The following TRAPPC9 variants were observed in gnomAD, a reference collection of about 807,000 sequenced individuals.
The protein encoded by TRAPPC9 is trafficking protein particle complex subunit 9.
Under a neutral mutation model 124.0 loss-of-function variants are expected in TRAPPC9, and 83 were observed. The observed-to-expected ratio is 0.67, with a 90% CI of 0.56 to 0.80. The LOEUF is 0.80. Ranked by LOEUF, TRAPPC9 falls within the 30% of genes least tolerant of loss-of-function variation. The probability of loss-of-function intolerance (pLI) is 0.00; values close to 1 mark genes in which losing one functional copy is unlikely to be tolerated. For synonymous variants in TRAPPC9, 638 were observed against 617.5 expected (o/e 1.03, Z -0.49); for missense variants, 1,302 against 1,508.3 (o/e 0.86, Z 2.27).
chr8:139,804,637 GCACCACCGCCACCACC>G (rs1428294205), intron 21 of TRAPPC9, among the ~76,000 whole-genome samples: 3 of 46,548 alleles, frequency 6.4e-5, no homozygotes. Flanking sequence ...CCGCCACCAA[GCACCACCGCCACCACC>G]CACCACCGCC....
intron 17 of TRAPPC9, among the ~76,000 whole-genome samples, chr8:140,207,153 C>A (rs1003746275): frequency 6.6e-6 from 1 of 152,202 alleles, no homozygotes; most frequent in Admixed American, 6.5e-5. Context: ...ACCATAAGAA[C>A]TCCTGTTGAC....
chr8:139,794,726 TATGCTGGTCCCTGCC>T (rs1199378195), intron 21 of TRAPPC9, among the ~76,000 whole-genome samples: 3 of 152,182 alleles, frequency 2.0e-5, no homozygotes, highest in Non-Finnish European at 2.9e-5. Context: ...TGCCTGAGGC[TATGCTGGTCCCTGCC>T]ATCCTCAGAG....
chr8:140,088,711 T>C (rs1264949729), intron 17 of TRAPPC9, among the ~76,000 whole-genome samples: 1 of 152,236 alleles, frequency 6.6e-6, no homozygotes, highest in Non-Finnish European at 1.5e-5. Context: ...TTTTTCTTCA[T>C]CTTAAAGAGA....
rs34124150 is a variant in TRAPPC9, at chr8:140,152,355, C to CTTTT, written c.2556+69100_2556+69103dup. 2.1e-3 allele frequency among the ~76,000 whole-genome samples: 200 copies of CTTTT among 93,850 alleles called. 5 individuals carry two copies. The highest frequency in any genetic ancestry group is 3.8e-3 in the African/African-American group (84 of 22,190). 61.6% of individuals were successfully genotyped at this position (93,850 alleles called of 152,430 possible). On this transcript the variant is annotated intron_variant, in intron 17 of 22. Coordinates refer to ENST00000438773, the MANE Select transcript of TRAPPC9 (RefSeq NM_001160372.4). ...AAATCAGTTTGGGTAATATTGCCATCTTTTTTTTTTTTTTTTTTTTTTTGA... is the reference window on the plus strand; with the variant it reads ...AAATCAGTTTGGGTAATATTGCCATCTTTTTTTTTTTTTTTTTTTTTTTTTTTGA...
chr8:139,798,136 C>T (rs73362190), intron 21 of TRAPPC9, among the ~76,000 whole-genome samples: 3,672 of 152,306 alleles, frequency 0.024, 146 homozygotes, highest in African/African-American at 0.084. Context: ...TCCATGAACA[C>T]AGGGTGTCTA....
intron 19 of TRAPPC9, among the ~76,000 whole-genome samples, chr8:139,929,041 A>G (rs921860884): frequency 6.6e-6 from 1 of 152,128 alleles, no homozygotes; most frequent in Non-Finnish European, 1.5e-5. Context: ...GCCAATGGCA[A>G]TCCCATCTTG....
intron 15 of TRAPPC9, among the ~76,000 whole-genome samples, chr8:140,261,205 T>C (rs1195280752): frequency 6.6e-6 from 1 of 152,248 alleles, no homozygotes; most frequent in African/African-American, 2.4e-5. Context: ...TCTGCAGCAC[T>C]GTGATGAGAC....
intron 11 of TRAPPC9, among the ~76,000 whole-genome samples, chr8:140,295,035 C>A (rs1003199813): frequency 6.6e-6 from 1 of 152,184 alleles, no homozygotes. Context: ...CAAGAATTAG[C>A]CTCTCTGAAA....
Position 139,984,991 on chromosome 8 carries a change from G to A in TRAPPC9, c.2810+3735C>T, listed in dbSNP as rs1837153559. ...TGTGTTGCCAATCCCCAGCGAGGAG[G>A]GGCCCTTATTTATTCTTCTCAGCAC... On this transcript the variant is annotated intron_variant, in intron 19 of 22. Coordinates refer to ENST00000438773, the MANE Select transcript of TRAPPC9 (RefSeq NM_001160372.4). This position sits in a 1 kb window ranked among gnomAD's most constrained non-coding sequence, Gnocchi z 4.3. 6.6e-6 allele frequency among the ~76,000 whole-genome samples: 1 copy of A among 152,166 alleles called. No individual in the cohort carries two copies.
chr8:139,999,508 T>C (rs978018977), intron 18 of TRAPPC9, among the ~76,000 whole-genome samples: 6 of 152,166 alleles, frequency 3.9e-5, no homozygotes, highest in Non-Finnish European at 8.8e-5. Context: ...CAGTAATTGA[T>C]AGAACACAGA....
intron 17 of TRAPPC9, among the ~76,000 whole-genome samples, chr8:140,125,526 G>A (rs1006447892): frequency 3.3e-5 from 5 of 151,992 alleles, no homozygotes; most frequent in Non-Finnish European, 1.5e-5. Flanking sequence ...AGGTGTGCAG[G>A]GGACCTGTGG....
At chr8:139,834,878 G>A (rs189015124) in intron 21 of TRAPPC9, among the ~76,000 whole-genome samples, 16 of 152,284 alleles carry the variant, frequency 1.1e-4, no homozygotes, top group Middle Eastern at 3.4e-3. Flanking sequence ...CTGTTGCTGG[G>A]AGCCAGCTCT....
chr8:139,743,929 G>A (rs7845141), intron 21 of TRAPPC9, among the ~76,000 whole-genome samples: 22,272 of 152,200 alleles, frequency 0.15, 2,358 homozygotes, highest in African/African-American at 0.3. Flanking sequence ...TGGCTGTTAG[G>A]AAGCTCAGAA....
chr8:140,113,443 A>T (rs2130528766), intron 17 of TRAPPC9, among the ~76,000 whole-genome samples: 1 of 152,378 alleles, frequency 6.6e-6, no homozygotes, highest in Non-Finnish European at 1.5e-5. Flanking sequence ...TGGCAGGATG[A>T]ACTGTTTTAA....
At chr8:139,821,384 T>C (rs1013027252) in intron 21 of TRAPPC9, among the ~76,000 whole-genome samples, 6 of 152,240 alleles carry the variant, frequency 3.9e-5, no homozygotes, top group African/African-American at 1.4e-4. Flanking sequence ...ACGTGGATGC[T>C]GCAGCCTGGT....
intron 21 of TRAPPC9, among the ~76,000 whole-genome samples, chr8:139,836,520 C>CAGGCCTGCATGA (rs1407896175): frequency 6.6e-6 from 1 of 152,220 alleles, no homozygotes; most frequent in Non-Finnish European, 1.5e-5. Flanking sequence ...GGGCCCAGCC[C>CAGGCCTGCATGA]AGGCCTGCAT....
At chr8:139,939,971 G>A (rs942030956) in intron 19 of TRAPPC9, among the ~76,000 whole-genome samples, 5 of 152,346 alleles carry the variant, frequency 3.3e-5, no homozygotes, top group African/African-American at 1.2e-4. Context: ...AACCAGAAAC[G>A]AGATTGAATC....
chr8:140,276,082 T>C (rs932216075), intron 14 of TRAPPC9, among the ~76,000 whole-genome samples: 1 of 152,212 alleles, frequency 6.6e-6, no homozygotes, highest in African/African-American at 2.4e-5. Context: ...AGCCTTCATT[T>C]CTCAGGCATA....
At chr8:139,816,065 G>T (rs1189469037) in intron 21 of TRAPPC9, among the ~76,000 whole-genome samples, 3 of 152,242 alleles carry the variant, frequency 2.0e-5, no homozygotes, top group African/African-American at 2.4e-5. Flanking sequence ...GGCAAGAACG[G>T]CTGTGTTTGG....
Sources: allele counts gnomAD v4.1 joint callset (sites outside exome capture counted in the v4.1 genomes callset), GRCh38; gene constraint gnomAD v4.1.1; non-coding constraint Gnocchi (gnomAD v3.1); transcripts MANE v1.5; gene names NCBI Gene and HGNC (gene_info 2026-07-23, HGNC 2026-07-21).